The following CNTN3 variants were observed in gnomAD, a reference collection of about 807,000 sequenced individuals.
The protein encoded by CNTN3 is contactin-3.
CNTN3 carries 60 observed loss-of-function variants against 119.1 expected under a neutral mutation model. The ratio of observed to expected loss-of-function variants is 0.50; its 90% CI spans 0.41 to 0.62. CNTN3 has a LOEUF of 0.62. Among genes scored for constraint, CNTN3 ranks in the 20% least tolerant of loss-of-function variants. The pLI is 0.00. For synonymous variants in CNTN3, 450 were observed against 438.7 expected (o/e 1.03, Z -0.32); for missense variants, 1,101 against 1,242.4 (o/e 0.89, Z 1.71).
At chr3:74,312,474 A>G (rs911771860) in intron 13 of CNTN3, among the ~76,000 whole-genome samples, 9 of 150,538 alleles carry the variant, frequency 6.0e-5, no homozygotes, top group Admixed American at 2.7e-4. Context: ...AAAAAAAAAA[A>G]AAAAAAATGC....
Position 74,586,663 on chromosome 3 carries a change from G to C in CNTN3, c.-81+27728C>G, listed in dbSNP as rs569746205. ...ATAGTAATATCTACCTCATGAGTTG[G>C]TTACAGCATTCAGTGAATTCATATT... On this transcript the variant is annotated intron_variant, in intron 1 of 22. Coordinates refer to ENST00000263665, the MANE Select transcript of CNTN3 (RefSeq NM_020872.3). 4.6e-5 allele frequency among the ~76,000 whole-genome samples: 7 copies of C among 151,996 alleles called. No individual in the cohort carries two copies. The South Asian group carries it at 1.2e-3, about 27-fold the overall frequency.
intron 13 of CNTN3, among the ~76,000 whole-genome samples, chr3:74,317,298 C>T (rs865808755): frequency 0.01 from 1,529 of 150,790 alleles, 11 homozygotes; most frequent in Middle Eastern, 0.021. Context: ...TCCAACTTGC[C>T]AGTCTGTGTC....
intron 5 of CNTN3, among the ~76,000 whole-genome samples, chr3:74,391,943 C>T (rs754501939): frequency 6.6e-6 from 1 of 152,106 alleles, no homozygotes; most frequent in African/African-American, 2.4e-5. Context: ...CAGGTGTGAG[C>T]CACAGCACCC....
chr3:74,494,636 C>T (rs938340645), intron 3 of CNTN3, among the ~76,000 whole-genome samples: 3 of 152,154 alleles, frequency 2.0e-5, no homozygotes, highest in Admixed American at 6.6e-5. Flanking sequence ...CAACTTCTGA[C>T]CCTGTGATCC....
intron 11 of CNTN3, among the ~76,000 whole-genome samples, chr3:74,356,285 T>C (rs1452780546): frequency 6.6e-6 from 1 of 152,066 alleles, no homozygotes; most frequent in Non-Finnish European, 1.5e-5. Flanking sequence ...TAGTATTTTG[T>C]TATAGTAGCC....
chr3:74,453,745 C>T (rs1459491598), intron 4 of CNTN3, among the ~76,000 whole-genome samples: 2 of 151,104 alleles, frequency 1.3e-5, no homozygotes, highest in South Asian at 2.1e-4. Context: ...CAAAGAACAT[C>T]TTTATTTCTG....
chr3:74,312,453 C>G, intron 13 of CNTN3, among the ~76,000 whole-genome samples: 1 of 54,874 alleles, frequency 1.8e-5, no homozygotes, highest in African/African-American at 1.4e-4. Flanking sequence ...GAGACTCCAT[C>G]TCAAAAAAAA....
intron 5 of CNTN3, among the ~76,000 whole-genome samples, chr3:74,389,613 C>G (rs1367029479): frequency 2.0e-5 from 3 of 152,138 alleles, no homozygotes; most frequent in African/African-American, 7.2e-5. Flanking sequence ...TTTTAATCTT[C>G]ACACCATCCC....
rs1479922083 is a variant in CNTN3, at chr3:74,301,807, T to C, written c.1787-2A>G. On this transcript the variant is annotated splice_acceptor_variant, in intron 14 of 22. Coordinates refer to ENST00000263665, the MANE Select transcript of CNTN3 (RefSeq NM_020872.3). LOFTEE classifies it high-confidence loss of function. Reference sequence around the variant, plus strand: ...CATTTTCTGGTGGTCCAGGTGAACCTAAGGAAGGCACAAATGGAAACATTG... The same window carrying C: ...CATTTTCTGGTGGTCCAGGTGAACCCAAGGAAGGCACAAATGGAAACATTG... The C allele has an allele frequency of 6.2e-7, 1 of 1,613,468 alleles. No individual in the cohort carries two copies. Among genetic ancestry groups the C allele is most frequent in the African/African-American group, 1.3e-5 (1 of 74,900 alleles).
intron 11 of CNTN3, among the ~76,000 whole-genome samples, chr3:74,353,058 G>C (rs990138872): frequency 6.6e-6 from 1 of 152,208 alleles, no homozygotes; most frequent in Non-Finnish European, 1.5e-5. Context: ...CCACTGTGAG[G>C]AGAGGAGCCA....
intron 13 of CNTN3, among the ~76,000 whole-genome samples, chr3:74,333,297 A>T (rs142474472): frequency 2.6e-5 from 4 of 152,230 alleles, no homozygotes; most frequent in Non-Finnish European, 4.4e-5. Flanking sequence ...AGTACCAAAA[A>T]CTTGGTGGCT....
intron 1 of CNTN3, among the ~76,000 whole-genome samples, chr3:74,552,339 C>T (rs551982980): frequency 6.6e-6 from 1 of 152,278 alleles, no homozygotes; most frequent in African/African-American, 2.4e-5. Context: ...CTGGATCTTT[C>T]GGAAAGAGTA....
At chr3:74,466,155 G>C (rs1702456541) in intron 4 of CNTN3, among the ~76,000 whole-genome samples, 2 of 152,134 alleles carry the variant, frequency 1.3e-5, no homozygotes, top group African/African-American at 4.8e-5. Context: ...GAGAAACATG[G>C]AGAAAATACG....
chr3:74,315,150 C>T lies in CNTN3; in HGVS notation c.1669-12343G>A, dbSNP rs544510426. Among the ~76,000 whole-genome samples, 11 of 152,320 alleles carry T rather than the reference C, an allele frequency of 7.2e-5. 1 individual carries two copies. The South Asian group carries it at 2.3e-3, about 32-fold the overall frequency. ...CTCCTGCCAGTGCCATGACAGTTCA[C>T]ATATGCCATGGCAACATCTAGAGGT... On this transcript the variant is annotated intron_variant, in intron 13 of 22. Transcript: ENST00000263665.
rs370312826 is a variant in CNTN3 at position 74,264,394 on chromosome 3, G to A, written c.*7C>T. On this transcript the variant is annotated 3_prime_UTR_variant, in exon 23 of 23. Transcript: ENST00000263665. ...ACTTTCCAATAAATAATAAAAAGGAGTTAATATCACCACAGGACATATACA... is the reference window on the plus strand; with the variant it reads ...ACTTTCCAATAAATAATAAAAAGGAATTAATATCACCACAGGACATATACA... 26 of 1,436,352 alleles carry A rather than the reference G, an allele frequency of 1.8e-5. No homozygotes were observed. Among genetic ancestry groups the A allele is most frequent in the Middle Eastern group, 1.8e-4 (1 of 5,486 alleles). The allele number at this position is 1,436,352 out of a possible 1,614,324, so 89.0% of individuals were successfully genotyped here. A position where few individuals can be genotyped will look rare whatever the true frequency, so the allele number is the denominator to read the frequency against.
At chr3:74,595,634 C>A (rs934123965) in intron 1 of CNTN3, among the ~76,000 whole-genome samples, 81 of 152,242 alleles carry the variant, frequency 5.3e-4, no homozygotes, top group African/African-American at 1.8e-3. Context: ...TGGCAAAATT[C>A]AACAACCCTT....
intron 4 of CNTN3, among the ~76,000 whole-genome samples, chr3:74,484,088 T>A (rs1235150641): frequency 6.6e-6 from 1 of 152,082 alleles, no homozygotes; most frequent in Non-Finnish European, 1.5e-5. Flanking sequence ...AATGTATGTA[T>A]CACTTTATAA....
chr3:74,505,678 T>C (rs1156390925), intron 2 of CNTN3, among the ~76,000 whole-genome samples: 2 of 151,962 alleles, frequency 1.3e-5, no homozygotes, highest in Non-Finnish European at 2.9e-5. Flanking sequence ...AGCTATACTG[T>C]AACCAATGCT....
At chr3:74,580,459 A>C (rs73842129) in intron 1 of CNTN3, among the ~76,000 whole-genome samples, 159 of 152,322 alleles carry the variant, frequency 1.0e-3, no homozygotes, top group African/African-American at 3.6e-3. Context: ...TATTTTTTCA[A>C]GAAAAAATTT....
Sources: gnomAD v4.1 joint callset for allele counts (sites outside exome capture counted in the v4.1 genomes callset) on GRCh38, gnomAD v4.1.1 for gene constraint, MANE v1.5 for transcripts, NCBI Gene and HGNC (gene_info 2026-07-23, HGNC 2026-07-21) for gene names.